The following THSD7A variants were observed in gnomAD, a reference collection of about 807,000 sequenced individuals.
THSD7A encodes thrombospondin type-1 domain-containing protein 7A.
Under a neutral mutation model 231.3 loss-of-function variants are expected in THSD7A, and 96 were observed. That is an observed-to-expected ratio of 0.41 (90% CI 0.35 to 0.49). The LOEUF is 0.49. Ranked by LOEUF, THSD7A falls within the 20% of genes least tolerant of loss-of-function variation. The pLI is 0.05. For synonymous variants in THSD7A, 940 were observed against 743.3 expected (o/e 1.26, Z -4.30); for missense variants, 2,290 against 2,070.2 (o/e 1.11, Z -2.06).
At chr7:11,387,611 G>A (rs1583650302) in intron 23 of THSD7A, among the ~76,000 whole-genome samples, 3 of 152,298 alleles carry the variant, frequency 2.0e-5, no homozygotes, top group African/African-American at 7.2e-5. Context: ...ATTTTGGGCT[G>A]ATATGATGGG....
At chr7:11,737,933 G>C (rs1041220041) in intron 1 of THSD7A, among the ~76,000 whole-genome samples, 16 of 151,904 alleles carry the variant, frequency 1.1e-4, no homozygotes, top group Non-Finnish European at 2.4e-4. Context: ...GACTCATCAA[G>C]GAACCTCAGT....
intron 4 of THSD7A, among the ~76,000 whole-genome samples, chr7:11,559,213 G>T (rs1172436067): frequency 4.6e-5 from 7 of 152,136 alleles, no homozygotes; most frequent in Admixed American, 3.3e-4. Flanking sequence ...CCTCCAGAAA[G>T]AAATGGAACC....
intron 1 of THSD7A, among the ~76,000 whole-genome samples, chr7:11,726,328 T>A (rs1003318889): frequency 6.6e-6 from 1 of 152,028 alleles, no homozygotes; most frequent in Non-Finnish European, 1.5e-5. Context: ...CCTCACCTCA[T>A]CTACACCTTC....
chr7:11,771,974 A>T (rs1398736170), intron 1 of THSD7A, among the ~76,000 whole-genome samples: 1 of 152,176 alleles, frequency 6.6e-6, no homozygotes, highest in Non-Finnish European at 1.5e-5. Context: ...CATGGTTGAA[A>T]GTTTGCTGAG....
At chr7:11,570,344 G>C (rs553121287) in intron 4 of THSD7A, among the ~76,000 whole-genome samples, 59 of 152,306 alleles carry the variant, frequency 3.9e-4, no homozygotes, top group African/African-American at 1.4e-3. Flanking sequence ...ACCAGAGACA[G>C]AGAAGGGTAG....
intron 1 of THSD7A, among the ~76,000 whole-genome samples, chr7:11,681,278 C>T (rs1783858786): frequency 6.6e-6 from 1 of 151,962 alleles, no homozygotes; most frequent in South Asian, 2.1e-4. Flanking sequence ...TGCAGCAAAC[C>T]ACCATGTACA....
intron 1 of THSD7A, among the ~76,000 whole-genome samples, chr7:11,707,195 T>C (rs963581501): frequency 2.0e-5 from 3 of 150,874 alleles, no homozygotes; most frequent in African/African-American, 7.3e-5. Flanking sequence ...TTAGCCATAA[T>C]ACCAGTGATA....
At chr7:11,738,325 C>T (rs1781985421) in intron 1 of THSD7A, among the ~76,000 whole-genome samples, 1 of 151,978 alleles carries the variant, frequency 6.6e-6, no homozygotes, top group African/African-American at 2.4e-5. Flanking sequence ...TTTCAGATTT[C>T]AGTGTTTTCT....
intron 1 of THSD7A, among the ~76,000 whole-genome samples, chr7:11,694,015 G>A (rs551851565): frequency 2.6e-5 from 4 of 151,332 alleles, no homozygotes; most frequent in Non-Finnish European, 4.4e-5. Context: ...GGTTTCTAAC[G>A]GTAGTCAGAA....
chr7:11,509,368 C>T (rs1203665032), intron 6 of THSD7A, among the ~76,000 whole-genome samples: 2 of 152,108 alleles, frequency 1.3e-5, no homozygotes, highest in African/African-American at 2.4e-5. Context: ...TTCCTTTACA[C>T]ATTCTCATCC....
At position 11,482,598 on chromosome 7, in the gene THSD7A, T is replaced by C. The variant is rs181834758; in HGVS notation, c.1823-616A>G. On this transcript the variant is annotated intron_variant, in intron 6 of 27. Coordinates refer to ENST00000423059, the MANE Select transcript of THSD7A (RefSeq NM_015204.3). The stretch of plus-strand genomic sequence containing the variant: ...CCCAGTTGGAGAGGGAGGGAAACAA[T>C]AGAAAACAAACAAATGGCAGAAGTA... Among the ~76,000 whole-genome samples, 134 of 152,294 alleles carry C rather than the reference T, an allele frequency of 8.8e-4. 1 individual carries two copies. The highest frequency in any genetic ancestry group is 3.0e-3 in the African/African-American group (126 of 41,564).
intron 17 of THSD7A, 142 bp from the exon 18 acceptor site, chr7:11,412,942 G>A (rs778332014): frequency 1.2e-6 from 1 of 804,978 alleles, no homozygotes; most frequent in Non-Finnish European, 1.9e-6. Context: ...TTATGCCTCA[G>A]TTGTTCAATG....
chr7:11,412,049 G>T (rs992687776), intron 18 of THSD7A, among the ~76,000 whole-genome samples: 1 of 152,072 alleles, frequency 6.6e-6, no homozygotes, highest in African/African-American at 2.4e-5. Context: ...GTAAGCTTTC[G>T]TGTTGCCCCA....
In THSD7A at chr7:11,637,688, CTTAT is replaced by C. The variant is rs1781922768; in HGVS notation, c.191-731_191-728del. On this transcript the variant is annotated intron_variant, in intron 1 of 27. Coordinates refer to ENST00000423059, the MANE Select transcript of THSD7A (RefSeq NM_015204.3). The surrounding 1 kb of genome is among the most constrained non-coding windows in gnomAD (Gnocchi z 4.2). ...TAATCATTGAGAGGTTATTTGGGGT[CTTAT>C]TTATTTATTCATTTCTTAAACATGA... 6.6e-6 allele frequency among the ~76,000 whole-genome samples: 1 copy of C among 152,088 alleles called. No individual in the cohort carries two copies. Among genetic ancestry groups the C allele is most frequent in the South Asian group, 2.1e-4 (1 of 4,824 alleles).
intron 4 of THSD7A, among the ~76,000 whole-genome samples, chr7:11,576,271 A>T (rs1790899584): frequency 6.6e-6 from 1 of 152,150 alleles, no homozygotes; most frequent in Admixed American, 6.5e-5. Context: ...ATAAAGTGGG[A>T]CATAATATTC....
intron 4 of THSD7A, among the ~76,000 whole-genome samples, chr7:11,582,907 T>C (rs1791227098): frequency 6.6e-6 from 1 of 150,526 alleles, no homozygotes; most frequent in Non-Finnish European, 1.5e-5. Flanking sequence ...TTCTTGTTTT[T>C]CCTAATTCTG....
chr7:11,657,118 C>G (rs543338780), intron 1 of THSD7A, among the ~76,000 whole-genome samples: 1 of 151,738 alleles, frequency 6.6e-6, no homozygotes, highest in Admixed American at 6.6e-5. Flanking sequence ...AATTATAGCT[C>G]TTTGCCATGT....
At position 11,446,710 on chromosome 7, in the gene THSD7A, C is replaced by T. The variant is rs961150886; in HGVS notation, c.2801-386G>A. Reference sequence around the variant, plus strand: ...TACTAGCACCAATATTTTTAGGTTGCTTTTGCCATTGGCAATATTTCAAAT... The same window carrying T: ...TACTAGCACCAATATTTTTAGGTTGTTTTTGCCATTGGCAATATTTCAAAT... On this transcript the variant is annotated intron_variant, in intron 12 of 27. Coordinates refer to ENST00000423059, the MANE Select transcript of THSD7A (RefSeq NM_015204.3). This position sits in a 1 kb window ranked among gnomAD's most constrained non-coding sequence, Gnocchi z 4.0. Among the ~76,000 whole-genome samples, 4 of 152,094 alleles carry T rather than the reference C, an allele frequency of 2.6e-5. No individual in the cohort carries two copies. The highest frequency in any genetic ancestry group is 7.2e-5 in the African/African-American group (3 of 41,438).
intron 6 of THSD7A, among the ~76,000 whole-genome samples, chr7:11,508,990 T>C (rs1787677355): frequency 6.6e-6 from 1 of 152,202 alleles, no homozygotes; most frequent in Non-Finnish European, 1.5e-5. Context: ...GCCAGATTAA[T>C]AAACTCTAGA....
Sources: allele counts gnomAD v4.1 joint callset (sites outside exome capture counted in the v4.1 genomes callset), GRCh38; gene constraint gnomAD v4.1.1; non-coding constraint Gnocchi (gnomAD v3.1); transcripts MANE v1.5; gene names NCBI Gene and HGNC (gene_info 2026-07-23, HGNC 2026-07-21).